Variants in UBR1 observed in about 807,000 individuals in gnomAD.
The protein encoded by UBR1 is ubiquitin protein ligase E3 component n-recognin 1.
UBR1 carries 102 observed loss-of-function variants against 242.1 expected under a neutral mutation model. That is an observed-to-expected ratio of 0.42 (90% CI 0.36 to 0.50). The LOEUF (loss-of-function observed/expected upper bound fraction) is 0.50, where lower values mean the gene tolerates loss of function less well. UBR1 is among the 20% of genes least tolerant of loss of function. The pLI is 0.01. For synonymous variants in UBR1, 675 were observed against 684.8 expected, an observed-to-expected ratio of 0.99 and a Z score of 0.22; for missense variants, 1,772 against 2,101.8, an observed-to-expected ratio of 0.84 and a Z score of 3.07.
At chr15:43,025,574 A>G (rs908618029) in intron 23 of UBR1, 145 bp from the exon 24 acceptor site, 13 of 653,278 alleles carry the variant, frequency 2.0e-5, no homozygotes, top group Non-Finnish European at 3.5e-5. Flanking sequence ...TGTCCTAGAA[A>G]TAAAATTGTG....
intron 37 of UBR1, among the ~76,000 whole-genome samples, chr15:42,978,367 CAG>C (rs1388393499): frequency 6.6e-6 from 1 of 152,064 alleles, no homozygotes; most frequent in African/African-American, 2.4e-5. Context: ...ACATGCAAAA[CAG>C]AGTAGGTAAA....
intron 13 of UBR1, 59 bp downstream of exon 13, chr15:43,048,333 C>T: frequency 7.4e-7 from 1 of 1,347,862 alleles, no homozygotes; most frequent in Non-Finnish European, 1.0e-6. Context: ...TTTAAAAAGA[C>T]TGCGGTTCAA....
intron 29 of UBR1, among the ~76,000 whole-genome samples, chr15:43,014,852 C>G (rs1330910252): frequency 6.6e-6 from 1 of 150,778 alleles, no homozygotes; most frequent in Non-Finnish European, 1.5e-5. Context: ...AGCCCCCGCC[C>G]GGCCAGCCGC....
chr15:43,088,463 A>C (rs1469610451), intron 1 of UBR1, among the ~76,000 whole-genome samples: 2 of 152,034 alleles, frequency 1.3e-5, no homozygotes, highest in Non-Finnish European at 2.9e-5. Context: ...AATTATATAT[A>C]CTTTTAAAAT....
chr15:42,990,640 G>A (rs1016935681), intron 33 of UBR1, among the ~76,000 whole-genome samples: 1 of 152,104 alleles, frequency 6.6e-6, no homozygotes, highest in Non-Finnish European at 1.5e-5. Context: ...TTTTTTAAGA[G>A]GATGACATAA....
intron 30 of UBR1, among the ~76,000 whole-genome samples, chr15:43,005,965 T>A (rs1596096947): frequency 3.5e-5 from 5 of 144,498 alleles, no homozygotes; most frequent in African/African-American, 5.1e-5. Flanking sequence ...GGCCGCAGGG[T>A]CCTCTGCCTA....
chr15:42,985,821 T>C (rs1412704146), intron 35 of UBR1, among the ~76,000 whole-genome samples: 1 of 151,526 alleles, frequency 6.6e-6, no homozygotes, highest in Non-Finnish European at 1.5e-5. Context: ...AAACCCTGTC[T>C]CTACAAAAAA....
chr15:43,100,902 G>C (rs914839090), intron 1 of UBR1, among the ~76,000 whole-genome samples: 1 of 152,182 alleles, frequency 6.6e-6, no homozygotes, highest in South Asian at 2.1e-4. Context: ...CTCTCCCTCT[G>C]GAGGAAGAAA....
At chr15:43,101,002 G>A (rs935107836) in intron 1 of UBR1, among the ~76,000 whole-genome samples, 3 of 152,222 alleles carry the variant, frequency 2.0e-5, no homozygotes, top group African/African-American at 4.8e-5. Context: ...CTTTGACAGA[G>A]AATAAGAGGA....
At chr15:43,004,449 C>A (rs1355097615) in intron 30 of UBR1, among the ~76,000 whole-genome samples, 2 of 152,178 alleles carry the variant, frequency 1.3e-5, no homozygotes, top group Non-Finnish European at 2.9e-5. Context: ...GACTGTACTG[C>A]CGCCATCTCG....
At chr15:42,985,596 G>A (rs1364681791) in intron 35 of UBR1, among the ~76,000 whole-genome samples, 2 of 152,030 alleles carry the variant, frequency 1.3e-5, no homozygotes, top group Admixed American at 6.6e-5. Context: ...TAGGTGATCC[G>A]CCCACCTCAG....
chr15:43,032,692 C>T, intron 19 of UBR1, 61 bp from the exon 20 acceptor site: 6 of 1,026,286 alleles, frequency 5.8e-6, no homozygotes, highest in Non-Finnish European at 5.8e-6. Context: ...ATAAAACATG[C>T]ATTTCTGGAC....
intron 12 of UBR1, among the ~76,000 whole-genome samples, chr15:43,051,119 T>G (rs1300188156): frequency 6.6e-6 from 1 of 152,194 alleles, no homozygotes; most frequent in Non-Finnish European, 1.5e-5. Context: ...TAAAGACACA[T>G]GCACACATAC....
intron 46 of UBR1, among the ~76,000 whole-genome samples, chr15:42,948,711 G>T (rs974494477): frequency 1.3e-5 from 2 of 152,152 alleles, no homozygotes; most frequent in East Asian, 3.8e-4. Flanking sequence ...TCAGAGAAAT[G>T]CAAATCAAAA....
chr15:43,014,779 G>A (rs1403011529), intron 29 of UBR1, among the ~76,000 whole-genome samples: 1 of 149,814 alleles, frequency 6.7e-6, no homozygotes, highest in African/African-American at 2.5e-5. Flanking sequence ...CCCCGTCCGG[G>A]AGGGAGGTGG....
chr15:42,984,737 A>G (rs372847741), intron 36 of UBR1, 150 bp downstream of exon 36: 7 of 710,214 alleles, frequency 9.9e-6, no homozygotes, highest in East Asian at 7.7e-5. Flanking sequence ...TCAGTTTCCT[A>G]TAAGACTGAT....
intron 5 of UBR1, among the ~76,000 whole-genome samples, chr15:43,069,368 C>T (rs1045057673): frequency 1.6e-4 from 24 of 152,114 alleles, no homozygotes; most frequent in Non-Finnish European, 7.4e-5. Flanking sequence ...GCTCTGCCTC[C>T]TGGGTTCACG....
chr15:42,969,140 T>A (rs2032160974), intron 40 of UBR1, among the ~76,000 whole-genome samples: 1 of 152,216 alleles, frequency 6.6e-6, no homozygotes, highest in African/African-American at 2.4e-5. Context: ...ACCAACAGTG[T>A]AAAAGTGTTC....
chr15:42,985,595 C>T (rs558316126), intron 35 of UBR1, among the ~76,000 whole-genome samples: 4 of 152,270 alleles, frequency 2.6e-5, no homozygotes, highest in South Asian at 2.1e-4. Context: ...TTAGGTGATC[C>T]GCCCACCTCA....
Sources: gnomAD v4.1 joint callset for allele counts (sites outside exome capture counted in the v4.1 genomes callset) on GRCh38, gnomAD v4.1.1 for gene constraint, MANE v1.5 for transcripts, NCBI Gene and HGNC (gene_info 2026-07-23, HGNC 2026-07-21) for gene names.